Variants in ANAPC2 observed in about 807,000 individuals in gnomAD.
The protein encoded by ANAPC2 is anaphase-promoting complex subunit 2.
ANAPC2 carries 29 observed loss-of-function variants against 84.3 expected under a neutral mutation model. The ratio of observed to expected loss-of-function variants is 0.34; its 90% CI spans 0.26 to 0.47. The LOEUF (loss-of-function observed/expected upper bound fraction) is 0.47. Among genes scored for constraint, ANAPC2 ranks in the 20% least tolerant of loss-of-function variants. ANAPC2 has a pLI of 1.00. For missense variants in ANAPC2, 857 were observed against 1,131.7 expected (o/e 0.76, Z 3.48); for synonymous variants, 571 against 479.4 (o/e 1.19, Z -2.50).
rs1259608216 is a variant in ANAPC2, at chr9:137,187,726, G to A, written c.495C>T (p.Thr165=). The A allele has an allele frequency of 6.2e-7, 1 of 1,613,892 alleles. No individual in the cohort carries two copies. The highest frequency in any genetic ancestry group is 8.5e-7 in the Non-Finnish European group (1 of 1,180,032). Residue 165 remains threonine (T), a synonymous_variant, in exon 2 of 13, where the codon ACC becomes ACT. Coordinates refer to ENST00000323927, the MANE Select transcript of ANAPC2 (RefSeq NM_013366.4). ...TMLRGVLFFS[T]PRTFQEMIQR... is the part of the protein sequence containing the mutation. ...GGATCATCTCTTGGAAGGTTCTGGG[G>A]GTGCTAAAGAACAAGACTCCGCGCA...
rs777572366 is a variant in ANAPC2 at position 137,186,274 on chromosome 9, C to A, written c.823G>T (p.Asp275Tyr). The change falls in exon 3 of 13, where the codon GAC becomes TAC. Residue 275 changes from aspartate to tyrosine, a missense_variant. By Grantham distance (160) the Asp-to-Tyr change is radical (BLOSUM62 -3). Around this residue, in one of 3 missense-constraint regions of ANAPC2, gnomAD observed 428 missense variants for 513.8 expected, o/e 0.83. Coordinates refer to ENST00000323927, the MANE Select transcript of ANAPC2 (RefSeq NM_013366.4). ...CGCTCGTACTCGCCCCGGCAACGGT[C>A]CTCCATCCTCTCCCGGGTCACCTGG... The part of the protein sequence containing the change: ...LHQVTRERME[D>Y]RCRGEYERSF... The A allele has an allele frequency of 1.2e-6, 2 of 1,612,512 alleles. No homozygotes were observed. Among genetic ancestry groups the A allele is most frequent in the Non-Finnish European group, 1.7e-6 (2 of 1,179,970 alleles).
In ANAPC2 at chr9:137,175,415, C is replaced by T. The variant is rs374867166; in HGVS notation, c.2078G>A (p.Arg693Gln). The T allele has an allele frequency of 1.2e-5, 19 of 1,606,324 alleles. No homozygotes were observed. Among genetic ancestry groups the T allele is most frequent in the African/African-American group, 9.4e-5 (7 of 74,780 alleles). ...KAVKMPVALL[R>Q]RRMSVWLQQG... is the part of the protein sequence containing the mutation. ...CTGCAGCCACACGGACATCCGCCGC[C>T]GCAGCAGCGCCACGGGCATCTTCAC... is the stretch of plus-strand genomic sequence containing the variant. The change falls in exon 12 of 13, where the codon CGG (arginine) becomes CAG (glutamine). Residue 693 changes from arginine to glutamine, a missense_variant. By Grantham distance (43) the Arg-to-Gln change is conservative. Transcript: ENST00000323927.
At chr9:137,188,332 G>A (rs977656247) in intron 1 of ANAPC2, 84 bp downstream of exon 1, 21 of 1,444,790 alleles carry the variant, frequency 1.5e-5, no homozygotes, top group South Asian at 2.4e-5. Context: ...GGACAGAGCC[G>A]TATGAACCCG....
At chr9:137,183,881 A>G (rs1456955479) in intron 4 of ANAPC2, 90 bp from the exon 5 acceptor site, 28 of 1,539,208 alleles carry the variant, frequency 1.8e-5, no homozygotes, top group Non-Finnish European at 2.5e-5. Context: ...GGGAAAGGAC[A>G]CGTGCTTGCC....
chr9:137,187,163 C>G, intron 2 of ANAPC2: 1 of 357,144 alleles, frequency 2.8e-6, no homozygotes, highest in Admixed American at 4.3e-5. Context: ...ATCATTCCTC[C>G]CCAGGATCGA....
At chr9:137,188,383 G>A in intron 1 of ANAPC2, 33 bp downstream of exon 1, 3 of 1,587,632 alleles carry the variant, frequency 1.9e-6, no homozygotes, top group African/African-American at 1.3e-5. Context: ...CGGAAACTCC[G>A]CGCGGGGCCG....
In ANAPC2 at chr9:137,185,818, C is replaced by A. The variant is rs111614167; in HGVS notation, c.873+406G>T. On this transcript the variant is annotated intron_variant, in intron 3 of 12. Coordinates refer to ENST00000323927, the MANE Select transcript of ANAPC2 (RefSeq NM_013366.4). ...CCCCATGTGAGGGTGTCTCGCTCCC[C>A]GCTGTGGTGCAGGCTGGCTGTAGGT... Among the ~76,000 whole-genome samples, 165 of 152,296 alleles carry A rather than the reference C, an allele frequency of 1.1e-3. 1 individual carries two copies. Among genetic ancestry groups the A allele is most frequent in the African/African-American group, 3.8e-3 (156 of 41,560 alleles).
At chr9:137,186,498 A>G (rs1564379530) in intron 2 of ANAPC2, 142 bp from the exon 3 acceptor site, 1 of 1,172,348 alleles carries the variant, frequency 8.5e-7, no homozygotes, top group East Asian at 2.7e-5. Flanking sequence ...CCTCCCCACA[A>G]TCCTCAGCTG....
chr9:137,183,051 G>GC, intron 6 of ANAPC2, 74 bp downstream of exon 6: 3 of 1,248,004 alleles, frequency 2.4e-6, no homozygotes, highest in Admixed American at 1.8e-5. Flanking sequence ...CCCTCCGGCT[G>GC]CCCCCCAGGA....
chr9:137,176,425 G>C (rs1272900311), intron 10 of ANAPC2: 1 of 152,366 alleles, frequency 6.6e-6, no homozygotes, highest in Admixed American at 6.5e-5. Context: ...GTGACACTTT[G>C]TTACAGCAGC....
At chr9:137,175,642 A>G in intron 11 of ANAPC2, 66 bp downstream of exon 11, 1 of 1,557,106 alleles carries the variant, frequency 6.4e-7, no homozygotes, top group Non-Finnish European at 8.7e-7. Flanking sequence ...CTCACTGGGG[A>G]ACAGCCCCTC....
intron 11 of ANAPC2, 104 bp from the exon 12 acceptor site, chr9:137,175,576 T>C: frequency 6.7e-7 from 1 of 1,482,520 alleles, no homozygotes; most frequent in Non-Finnish European, 9.0e-7. Context: ...CACCCTGCCT[T>C]GCCCGTGGGA....
intron 7 of ANAPC2, 83 bp downstream of exon 7, chr9:137,181,598 G>GT: frequency 1.4e-6 from 2 of 1,387,830 alleles, no homozygotes; most frequent in Non-Finnish European, 1.9e-6. Flanking sequence ...GCCAAGCTCT[G>GT]TGACAAGGGA....
chr9:137,187,421 C>T, intron 2 of ANAPC2, 60 bp downstream of exon 2: 3 of 1,546,622 alleles, frequency 1.9e-6, no homozygotes, highest in Non-Finnish European at 2.6e-6. Context: ...CAGCTGGACC[C>T]AGGGGAGCAG....
Position 137,175,370 on chromosome 9 carries a change from T to C in ANAPC2, c.2123A>G (p.Glu708Gly). 6.2e-7 allele frequency: 1 copy of C among 1,611,284 alleles called. No homozygotes were observed. Among genetic ancestry groups the C allele is most frequent in the South Asian group, 1.1e-5 (1 of 90,828 alleles). Residue 708 changes from glutamate (E) to glycine (G), a missense_variant, in exon 12 of 13, where the codon GAG becomes GGG. This residue lies in a region of ANAPC2 where 425 missense variants were observed against 595.5 expected (regional missense o/e 0.71). Transcript: ENST00000323927. ...AATGACAGAGAAGGTGCCGGGGGGC[T>C]CCTCACGCAGCACACCCTGCTGCAG... ...VWLQQGVLRE[E>G]PPGTFSVIEE...
At chr9:137,180,112 G>A in intron 10 of ANAPC2, 69 bp downstream of exon 10, 3 of 1,515,194 alleles carry the variant, frequency 2.0e-6, no homozygotes, top group Non-Finnish European at 1.8e-6. Context: ...CAGGCACCAG[G>A]CTGCTGGGAG....
At chr9:137,183,364 G>A (rs1834383680) in intron 5 of ANAPC2, 122 bp from the exon 6 acceptor site, 5 of 881,786 alleles carry the variant, frequency 5.7e-6, no homozygotes, top group African/African-American at 1.7e-5. Flanking sequence ...CTGCAGCCTC[G>A]TTCCCTTGTC....
At chr9:137,180,622 G>C in intron 8 of ANAPC2, 95 bp from the exon 9 acceptor site, 2 of 1,586,240 alleles carry the variant, frequency 1.3e-6, no homozygotes, top group Non-Finnish European at 1.7e-6. Context: ...AGGCAGAGCA[G>C]GGAGCCTGTG....
intron 10 of ANAPC2, 104 bp from the exon 11 acceptor site, chr9:137,175,941 G>GCCCCA: frequency 2.1e-6 from 3 of 1,404,144 alleles, no homozygotes; most frequent in Non-Finnish European, 2.9e-6. Flanking sequence ...AGAGCCACCT[G>GCCCCA]CCCCACCCCA....
Sources: allele counts gnomAD v4.1 joint callset (sites outside exome capture counted in the v4.1 genomes callset), GRCh38; gene constraint gnomAD v4.1.1; regional missense constraint gnomAD v4.1.1; transcripts MANE v1.5; gene names NCBI Gene and HGNC (gene_info 2026-07-23, HGNC 2026-07-21).